The following FOXM1 variants were observed in gnomAD, a reference collection of about 807,000 sequenced individuals.
The protein encoded by FOXM1 is forkhead box protein M1.
A neutral mutation model predicts 63.6 loss-of-function variants in FOXM1; 25 were observed. That is an observed-to-expected ratio of 0.39 (90% confidence interval 0.29 to 0.55). FOXM1 has a LOEUF of 0.55. Ranked by LOEUF, FOXM1 falls within the 20% of genes least tolerant of loss-of-function variation. The pLI, the probability that FOXM1 is intolerant of heterozygous loss-of-function variation, is 0.60. For missense variants in FOXM1, 879 were observed against 958.7 expected, an observed-to-expected ratio of 0.92 and a Z score of 1.10; for synonymous variants, 387 against 376.9, an observed-to-expected ratio of 1.03 and a Z score of -0.31.
At position 2,874,600 on chromosome 12, in the gene FOXM1, C is replaced by T. The variant is rs1603502105; in HGVS notation, c.-47-75G>A. ...AGAGGTCCTTTTAGAGAAAGGTGCT[C>T]CTCTTTATATGACCAGGAACATGAG... On this transcript the variant is annotated intron_variant, in intron 1 of 8. Coordinates refer to ENST00000359843, the MANE Select transcript of FOXM1 (RefSeq NM_021953.4). The surrounding 1 kb of genome is among the most constrained non-coding windows in gnomAD (Gnocchi z 4.3). 1 of 1,017,636 alleles carries T rather than the reference C, an allele frequency of 9.8e-7. No individual in the cohort carries two copies. The highest frequency in any genetic ancestry group is 1.6e-5 in the African/African-American group (1 of 62,168). The allele number at this position is 1,017,636 out of a possible 1,614,324, so 63.0% of individuals were successfully genotyped here.
Position 2,872,839 on chromosome 12 carries a change from CA to C in FOXM1, c.503-593del, listed in dbSNP as rs1331795277. On this transcript the variant is annotated intron_variant, in intron 2 of 8. Coordinates refer to ENST00000359843, the MANE Select transcript of FOXM1 (RefSeq NM_021953.4). The surrounding 1 kb of genome is among the most constrained non-coding windows in gnomAD (Gnocchi z 4.0). ...AAAAGAATTATTGAGATATGCACAC[CA>C]AAAAAGTCACTTTTCAGCCTGGGCA... Among the ~76,000 whole-genome samples, 2 of 151,900 alleles carry C rather than the reference CA, an allele frequency of 1.3e-5. No individual in the cohort carries two copies. Among genetic ancestry groups the C allele is most frequent in the East Asian group, 3.9e-4 (2 of 5,148 alleles).
At position 2,874,664 on chromosome 12, in the gene FOXM1, A is replaced by G; in HGVS notation, c.-47-139T>C. On this transcript the variant is annotated intron_variant, in intron 1 of 8. Coordinates refer to ENST00000359843, the MANE Select transcript of FOXM1 (RefSeq NM_021953.4). This position sits in a 1 kb window ranked among gnomAD's most constrained non-coding sequence, Gnocchi z 4.3. The stretch of plus-strand genomic sequence containing the variant: ...GTAAACATTCCATGGACTTTTGTAA[A>G]GACCTCAGATAATAAGGAGATAAGC... 1.6e-6 allele frequency: 1 copy of G among 624,862 alleles called. No individual in the cohort carries two copies. Among genetic ancestry groups the G allele is most frequent in the Non-Finnish European group, 2.8e-6 (1 of 360,914 alleles). The allele number at this position is 624,862 out of a possible 1,614,324, so 38.7% of individuals were successfully genotyped here. A position where few individuals can be genotyped will look rare whatever the true frequency, so the allele number is the denominator to read the frequency against.
chr12:2,874,573 G>C lies in FOXM1; in HGVS notation c.-47-48C>G. ...AGATGTTAGAGATTGTTTAGGCTGAGAAGAGGTCCTTTTAGAGAAAGGTGC... is the reference window on the plus strand; with the variant it reads ...AGATGTTAGAGATTGTTTAGGCTGACAAGAGGTCCTTTTAGAGAAAGGTGC... On this transcript the variant is annotated intron_variant, in intron 1 of 8. Coordinates refer to ENST00000359843, the MANE Select transcript of FOXM1 (RefSeq NM_021953.4). The surrounding 1 kb of genome is among the most constrained non-coding windows in gnomAD (Gnocchi z 4.3). 1 of 1,322,158 alleles carries C rather than the reference G, an allele frequency of 7.6e-7. No homozygotes were observed. The allele number at this position is 1,322,158 out of a possible 1,614,324, so 81.9% of individuals were successfully genotyped here. A position where few individuals can be genotyped will look rare whatever the true frequency, so the allele number is the denominator to read the frequency against.
At position 2,859,452 on chromosome 12, in the gene FOXM1, G is replaced by A; in HGVS notation, c.1478C>T (p.Ser493Phe). The A allele has an allele frequency of 6.2e-7, 1 of 1,614,018 alleles. No homozygotes were observed. Among genetic ancestry groups the A allele is most frequent in the East Asian group, 2.2e-5 (1 of 44,882 alleles). ...PLEEWPSPAP[S>F]FKEESSHSWE... ...GGAGTGAGATGATTCCTCTTTGAAA[G>A]ATGGGGCCGGGGAGGGCCACTCTTC... The change falls in exon 9 of 9, where the codon TCT becomes TTT. Residue 493 changes from serine (S) to phenylalanine (F), a missense_variant. By Grantham distance (155) the Ser-to-Phe change is radical. Around this residue, in one of 4 missense-constraint regions of FOXM1, gnomAD observed 486 missense variants for 453.5 expected, o/e 1.07. Transcript: ENST00000359843.
rs1235550561 is a variant in FOXM1, at chr12:2,874,118, G to T, written c.361C>A (p.Leu121Ile). The T allele has an allele frequency of 1.2e-6, 2 of 1,614,194 alleles. No individual in the cohort carries two copies. The highest frequency in any genetic ancestry group is 2.2e-5 in the South Asian group (2 of 91,086). The change falls in exon 2 of 9, where the codon CTC becomes ATC. Residue 121 changes from leucine to isoleucine, a missense_variant. Leu to Ile is a conservative substitution (Grantham distance 5, BLOSUM62 2). Transcript: ENST00000359843. This position sits in a 1 kb window ranked among gnomAD's most constrained non-coding sequence, Gnocchi z 4.3. ...TAGCTGGTTTGGGTTTGAGGCCGGA[G>T]TCCTGGAGGCTGAGTTGGGGCTCCC... ...CGGAPTQPPGLRPQTQTSYDA... is the reference protein window; with the variant it reads ...CGGAPTQPPGIRPQTQTSYDA...
chr12:2,870,743 G>C (rs536184669), intron 3 of FOXM1, among the ~76,000 whole-genome samples: 7 of 150,854 alleles, frequency 4.6e-5, no homozygotes, highest in Non-Finnish European at 8.8e-5. Flanking sequence ...GGTGGATCAC[G>C]AGGTCAGGAG....
At position 2,864,388 on chromosome 12, in the gene FOXM1, G is replaced by C; in HGVS notation, c.1198C>G (p.Pro400Ala). The C allele has an allele frequency of 6.2e-7, 1 of 1,614,146 alleles. No homozygotes were observed. Among genetic ancestry groups the C allele is most frequent in the Non-Finnish European group, 8.5e-7 (1 of 1,180,018 alleles). Residue 400 changes from proline to alanine, a missense_variant, in exon 8 of 9, where the codon CCC (proline) becomes GCC (alanine). By Grantham distance (27) the Pro-to-Ala change is conservative. Around this residue, in one of 4 missense-constraint regions of FOXM1, gnomAD observed 486 missense variants for 453.5 expected, o/e 1.07. Transcript: ENST00000359843. The surrounding 1 kb of genome is among the most constrained non-coding windows in gnomAD (Gnocchi z 5.1). ...VLQPSVKVPL[P>A]LAASLMSSEL... The stretch of plus-strand genomic sequence containing the variant: ...GAGCTCATGAGGGAAGCCGCCAGGG[G>C]CAATGGCACCTTCACCGAGGGCTGC...
chr12:2,872,275 C>T lies in FOXM1; in HGVS notation c.503-28G>A. 6.2e-7 allele frequency: 1 copy of T among 1,612,304 alleles called. No homozygotes were observed. The highest frequency in any genetic ancestry group is 1.1e-5 in the South Asian group (1 of 91,012). ...AGAGGGAAAATAATCCAACACCCCA[C>T]TTAGCTGCCTCATCAGATGCCCAGG... On this transcript the variant is annotated intron_variant, in intron 2 of 8. Coordinates refer to ENST00000359843, the MANE Select transcript of FOXM1 (RefSeq NM_021953.4). The surrounding 1 kb of genome is among the most constrained non-coding windows in gnomAD (Gnocchi z 4.0).
Position 2,859,076 on chromosome 12 carries a change from G to A in FOXM1, c.1854C>T (p.Pro618=). Residue 618 remains proline, a synonymous_variant, in exon 9 of 9, where the codon CCC becomes CCT. Coordinates refer to ENST00000359843, the MANE Select transcript of FOXM1 (RefSeq NM_021953.4). ...TGAGCCTCCAGGATTCAGGGGTTCT[G>A]GGGAGGACAGATTTGCTCGGGGTGG... is the stretch of plus-strand genomic sequence containing the variant. The part of the protein sequence containing the change: ...ISSTPSKSVL[P]RTPESWRLTP... 1 of 1,607,934 alleles carries A rather than the reference G, an allele frequency of 6.2e-7. No homozygotes were observed. The highest frequency in any genetic ancestry group is 1.1e-5 in the South Asian group (1 of 90,862).
intron 2 of FOXM1, among the ~76,000 whole-genome samples, chr12:2,873,438 C>T (rs1477607843): frequency 6.6e-6 from 1 of 150,514 alleles, no homozygotes; most frequent in East Asian, 2.0e-4. Flanking sequence ...TGAAGTCAGG[C>T]GCTGTCGTTC....
At chr12:2,862,053 C>T (rs1183401306) in intron 8 of FOXM1, among the ~76,000 whole-genome samples, 1 of 152,058 alleles carries the variant, frequency 6.6e-6, no homozygotes, top group African/African-American at 2.4e-5. Flanking sequence ...GTGACGTGCG[C>T]CTGTGATCGC....
chr12:2,870,036 G>T (rs552525034), intron 3 of FOXM1, among the ~76,000 whole-genome samples: 1 of 150,280 alleles, frequency 6.7e-6, no homozygotes, highest in South Asian at 2.1e-4. Context: ...TGTTGCCCAG[G>T]TTGGAGTGTA....
chr12:2,862,557 G>T (rs1017774372), intron 8 of FOXM1, among the ~76,000 whole-genome samples: 5 of 152,058 alleles, frequency 3.3e-5, no homozygotes, highest in African/African-American at 1.2e-4. Context: ...TAGAGACAGG[G>T]TCTCATTTTG....
chr12:2,872,273 CA>C lies in FOXM1; in HGVS notation c.503-27del, dbSNP rs754924421. On this transcript the variant is annotated intron_variant, in intron 2 of 8. Transcript: ENST00000359843. This position sits in a 1 kb window ranked among gnomAD's most constrained non-coding sequence, Gnocchi z 4.0. The stretch of plus-strand genomic sequence containing the variant: ...CTAGAGGGAAAATAATCCAACACCC[CA>C]CTTAGCTGCCTCATCAGATGCCCAG... 3 of 1,612,320 alleles carry C rather than the reference CA, an allele frequency of 1.9e-6. No homozygotes were observed.
Position 2,864,085 on chromosome 12 carries a change from C to G in FOXM1, c.1266+235G>C. ...GCCCATCTATCACAATCACTTTTGT[C>G]TGAATTCTTACAAGCTCATCAGGTA... On this transcript the variant is annotated intron_variant, in intron 8 of 8. Coordinates refer to ENST00000359843, the MANE Select transcript of FOXM1 (RefSeq NM_021953.4). This position sits in a 1 kb window ranked among gnomAD's most constrained non-coding sequence, Gnocchi z 5.1. The G allele has an allele frequency of 2.1e-6, 1 of 478,952 alleles. No individual in the cohort carries two copies. Among genetic ancestry groups the G allele is most frequent in the East Asian group, 3.2e-5 (1 of 30,802 alleles). 29.7% of individuals were successfully genotyped at this position (478,952 alleles called of 1,614,324 possible).
rs1040077884 is a variant in FOXM1 at position 2,864,584 on chromosome 12, A to T, written c.1091-89T>A. Reference sequence around the variant, plus strand: ...AGCTTTGCTCTCCTTCTCTGGGCTCAGATCCCTTTGAGGTGGGAACAGAAT... The same window carrying T: ...AGCTTTGCTCTCCTTCTCTGGGCTCTGATCCCTTTGAGGTGGGAACAGAAT... On this transcript the variant is annotated intron_variant, in intron 7 of 8. Transcript: ENST00000359843. The surrounding 1 kb of genome is among the most constrained non-coding windows in gnomAD (Gnocchi z 5.1). 8 of 1,583,464 alleles carry T rather than the reference A, an allele frequency of 5.1e-6. No individual in the cohort carries two copies. The African/African-American group carries it at 9.4e-5, about 19-fold the overall frequency.
Position 2,858,831 on chromosome 12 carries a change from G to C in FOXM1, c.2099C>G (p.Pro700Arg). The change falls in exon 9 of 9, where the codon CCC becomes CGC. Residue 700 changes from proline (P) to arginine (R), a missense_variant. By Grantham distance (103) the Pro-to-Arg change is moderately radical. This residue lies in a region of FOXM1 where 486 missense variants were observed against 453.5 expected (regional missense o/e 1.07). Transcript: ENST00000359843. ...CTGTGGCTCCGGGGAGCCTGGCTTG[G>C]GGACGTCTATATCTGAGGGAGAAGA... ...GNSSPSDIDV[P>R]KPGSPEPQVS... 1 of 1,614,188 alleles carries C rather than the reference G, an allele frequency of 6.2e-7. No individual in the cohort carries two copies. The highest frequency in any genetic ancestry group is 8.5e-7 in the Non-Finnish European group (1 of 1,180,036).
At chr12:2,867,765 T>C (rs1317590076) in intron 4 of FOXM1, among the ~76,000 whole-genome samples, 1 of 149,546 alleles carries the variant, frequency 6.7e-6, no homozygotes, top group Non-Finnish European at 1.5e-5. Flanking sequence ...CATTTGAGGT[T>C]AGGAGTTCGA....
chr12:2,873,005 G>T (rs961739781), intron 2 of FOXM1, among the ~76,000 whole-genome samples: 1 of 152,060 alleles, frequency 6.6e-6, no homozygotes, highest in African/African-American at 2.4e-5. Flanking sequence ...AGTGAGCCGT[G>T]ATTGCGCCAC....
Sources: gnomAD v4.1 joint callset for allele counts (sites outside exome capture counted in the v4.1 genomes callset) on GRCh38, gnomAD v4.1.1 for gene constraint, gnomAD v4.1.1 regional missense constraint, Gnocchi (gnomAD v3.1) non-coding constraint, MANE v1.5 for transcripts, NCBI Gene and HGNC (gene_info 2026-07-23, HGNC 2026-07-21) for gene names.